Variants in DNAH7 observed in about 807,000 individuals in gnomAD.
DNAH7 encodes dynein axonemal heavy chain 7, also known as axonemal beta dynein heavy chain 7.
DNAH7 carries 397 observed loss-of-function variants against 444.6 expected under a neutral mutation model. The ratio of observed to expected loss-of-function variants is 0.89; its 90% confidence interval spans 0.82 to 0.97. The LOEUF (loss-of-function observed/expected upper bound fraction) is 0.97, where lower values mean the gene tolerates loss of function less well. Ranked by LOEUF, DNAH7 falls within the 50% of genes least tolerant of loss-of-function variation. DNAH7 has a pLI of 0.00. For missense variants in DNAH7, 4,902 were observed against 4,800.8 expected (o/e 1.02, Z -0.62); for synonymous variants, 1,636 against 1,624.4 (o/e 1.01, Z -0.17).
At chr2:196,004,523 T>C (rs1424155759) in intron 10 of DNAH7, among the ~76,000 whole-genome samples, 1 of 151,996 alleles carries the variant, frequency 6.6e-6, no homozygotes, top group African/African-American at 2.4e-5. Context: ...GGCCTATGAC[T>C]CAAATAAGAA....
chr2:195,837,763 T>C (rs1698452400), intron 47 of DNAH7, among the ~76,000 whole-genome samples: 1 of 152,092 alleles, frequency 6.6e-6, no homozygotes, highest in Non-Finnish European at 1.5e-5. Flanking sequence ...CCCAAAACAC[T>C]GAGCAAAAAC....
At chr2:196,043,079 G>A (rs1696871213) in intron 5 of DNAH7, among the ~76,000 whole-genome samples, 1 of 152,070 alleles carries the variant, frequency 6.6e-6, no homozygotes, top group African/African-American at 2.4e-5. Context: ...AATTGAAACG[G>A]GCAAGTGGAA....
chr2:195,871,930 CAAAAAAAAAAAAAAAAAAAAAAAAA>C (rs553845281), intron 40 of DNAH7, among the ~76,000 whole-genome samples: 3 of 24,744 alleles, frequency 1.2e-4, no homozygotes, highest in Non-Finnish European at 2.9e-4. Context: ...GACTCCGTCT[CAAAAAAAAAAAAAAAAAAAAAAAAA>C]AAAAAAAAAA....
chr2:195,855,879 C>T lies in DNAH7; in HGVS notation c.8527G>A (p.Asp2843Asn), dbSNP rs764042812. Reference protein sequence around the residue: ...KKQAALKEVQDKLARLQDTLE... With the variant: ...KKQAALKEVQNKLARLQDTLE... The stretch of plus-strand genomic sequence containing the variant: ...GTGTCTTGAAGCCTGGCCAGCTTGT[C>T]CTGAACTTCCTTAAGGGCTGCCTGC... The change falls in exon 45 of 65, where the codon GAC becomes AAC. Residue 2843 changes from aspartate to asparagine, a missense_variant. By Grantham distance (23) the Asp-to-Asn change is conservative. Coordinates refer to ENST00000312428, the MANE Select transcript of DNAH7 (RefSeq NM_018897.3). The T allele has an allele frequency of 6.2e-7, 1 of 1,614,004 alleles. No individual in the cohort carries two copies.
At chr2:195,771,002 T>C (rs2105938296) in intron 61 of DNAH7, among the ~76,000 whole-genome samples, 1 of 152,034 alleles carries the variant, frequency 6.6e-6, no homozygotes, top group South Asian at 2.1e-4. Flanking sequence ...GGCCAGTTTA[T>C]TTCTCAGTTT....
rs202143138 is a variant in DNAH7, at chr2:195,957,382, G to A, written c.2957C>T (p.Thr986Met). Reference sequence around the variant, plus strand: ...GAAAATGGGCTCCAGATACAGCCACGTGGCTTGGACTTTGAGCCATTCATC... The same window carrying A: ...GAAAATGGGCTCCAGATACAGCCACATGGCTTGGACTTTGAGCCATTCATC... ...ILDEWLKVQA[T>M]WLYLEPIFSS... Residue 986 changes from threonine to methionine, a missense_variant, in exon 19 of 65, where the codon ACG (threonine) becomes ATG (methionine). Thr to Met is a moderately conservative substitution (Grantham distance 81). Transcript: ENST00000312428. 7.7e-5 allele frequency: 124 copies of A among 1,604,740 alleles called. No individual in the cohort carries two copies. The highest frequency in any genetic ancestry group is 2.2e-4 in the South Asian group (20 of 89,892).
Position 195,755,986 on chromosome 2 carries a change from T to C in DNAH7, c.11586+147A>G, listed in dbSNP as rs577003731. On this transcript the variant is annotated intron_variant, in intron 62 of 64. Coordinates refer to ENST00000312428, the MANE Select transcript of DNAH7 (RefSeq NM_018897.3). Reference sequence around the variant, plus strand: ...TTGACAGTTCAGTGTAGCAGTTACATACATTATATGAAATATTAAGTAGTG... The same window carrying C: ...TTGACAGTTCAGTGTAGCAGTTACACACATTATATGAAATATTAAGTAGTG... 2.6e-4 allele frequency: 195 copies of C among 751,914 alleles called. 1 individual carries two copies. In the African/African-American group the frequency reaches 3.3e-3, roughly 13 times the overall value. 46.6% of individuals were successfully genotyped at this position (751,914 alleles called of 1,614,324 possible). A position where few individuals can be genotyped will look rare whatever the true frequency, so the allele number is the denominator to read the frequency against.
At chr2:195,956,769 AT>A (rs1185126288) in intron 19 of DNAH7, among the ~76,000 whole-genome samples, 1 of 151,746 alleles carries the variant, frequency 6.6e-6, no homozygotes, top group Admixed American at 6.6e-5. Context: ...GTATTTGTGT[AT>A]TTTTCTTTCT....
chr2:195,870,418 A>G (rs535738836), intron 40 of DNAH7, among the ~76,000 whole-genome samples: 2 of 152,322 alleles, frequency 1.3e-5, no homozygotes, highest in East Asian at 3.9e-4. Context: ...GATAACAGAG[A>G]AAGAGTGTTC....
In DNAH7 at chr2:195,844,380, C is replaced by G. The variant is rs1036305203; in HGVS notation, c.8945+622G>C. Among the ~76,000 whole-genome samples, 24 of 152,228 alleles carry G rather than the reference C, an allele frequency of 1.6e-4. 1 individual carries two copies. The highest frequency in any genetic ancestry group is 3.4e-3 in the Middle Eastern group (1 of 294). On this transcript the variant is annotated intron_variant, in intron 47 of 64. Coordinates refer to ENST00000312428, the MANE Select transcript of DNAH7 (RefSeq NM_018897.3). ...GATAAAAGGCTCACGGTAATGTGAA[C>G]TTGGAAATAATACAAGATTGTCCTC...
At chr2:195,858,014 G>A (rs1699807274) in intron 43 of DNAH7, among the ~76,000 whole-genome samples, 1 of 151,836 alleles carries the variant, frequency 6.6e-6, no homozygotes, top group Non-Finnish European at 1.5e-5. Context: ...CATTGCTATT[G>A]TAAAATAAAT....
chr2:196,048,199 T>G, intron 4 of DNAH7, 97 bp downstream of exon 4: 1 of 1,058,244 alleles, frequency 9.4e-7, no homozygotes, highest in Admixed American at 2.7e-5. Context: ...TTAATGTCAT[T>G]CAGGTTTTGT....
chr2:195,780,367 C>A (rs1695314687), intron 58 of DNAH7, among the ~76,000 whole-genome samples: 1 of 152,004 alleles, frequency 6.6e-6, no homozygotes, highest in Admixed American at 6.6e-5. Context: ...ATCAGTCTTT[C>A]AGATAAAATT....
intron 28 of DNAH7, 124 bp downstream of exon 28, chr2:195,900,158 T>C (rs1196609409): frequency 2.2e-5 from 23 of 1,058,024 alleles, no homozygotes; most frequent in Non-Finnish European, 2.9e-5. Flanking sequence ...ACATTTTTGG[T>C]TTAATAATTG....
At chr2:195,859,035 AT>A (rs1178762494) in intron 42 of DNAH7, among the ~76,000 whole-genome samples, 1 of 152,216 alleles carries the variant, frequency 6.6e-6, no homozygotes, top group East Asian at 1.9e-4. Context: ...TTCAGTACCT[AT>A]ATGTTATCAA....
intron 48 of DNAH7, among the ~76,000 whole-genome samples, chr2:195,825,968 C>T (rs1353345427): frequency 6.6e-6 from 1 of 152,160 alleles, no homozygotes. Flanking sequence ...TTTTTGAACT[C>T]ATTTTTATTT....
chr2:195,819,994 C>T (rs370440188), intron 49 of DNAH7, among the ~76,000 whole-genome samples: 8 of 152,034 alleles, frequency 5.3e-5, no homozygotes, highest in South Asian at 2.1e-4. Context: ...TCTTGGCAAA[C>T]GAAACAGCAT....
intron 18 of DNAH7, among the ~76,000 whole-genome samples, chr2:195,959,830 T>G (rs1690955148): frequency 6.6e-6 from 1 of 152,212 alleles, no homozygotes; most frequent in Non-Finnish European, 1.5e-5. Context: ...ACAATAGATA[T>G]TCAGCAATCT....
chr2:195,975,870 G>A (rs537041867), intron 15 of DNAH7, among the ~76,000 whole-genome samples: 2 of 152,278 alleles, frequency 1.3e-5, no homozygotes, highest in Middle Eastern at 6.8e-3. Context: ...TTCATCACCT[G>A]CTGACTAAAG....
Sources: allele counts gnomAD v4.1 joint callset (sites outside exome capture counted in the v4.1 genomes callset), GRCh38; gene constraint gnomAD v4.1.1; transcripts MANE v1.5; gene names NCBI Gene and HGNC (gene_info 2026-07-23, HGNC 2026-07-21).